Variants in FAM227A observed in about 807,000 individuals in gnomAD.
FAM227A encodes the protein protein FAM227A.
In FAM227A, 80 loss-of-function variants were observed where a neutral mutation model predicts 74.7. The observed-to-expected ratio is 1.07, with a 90% CI of 0.89 to 1.29. The LOEUF (loss-of-function observed/expected upper bound fraction) is 1.29. Ranked by LOEUF, FAM227A falls within the 50% of genes most tolerant of loss-of-function variation. The pLI is 0.00. For missense variants in FAM227A, 654 were observed against 683.4 expected (o/e 0.96, Z 0.48); for synonymous variants, 237 against 241.8 (o/e 0.98, Z 0.19).
chr22:38,584,337 C>G lies in FAM227A; in HGVS notation c.*1788G>C, dbSNP rs1281589034. The G allele has an allele frequency of 6.6e-6, 1 of 152,144 alleles. No homozygotes were observed. Among genetic ancestry groups the G allele is most frequent in the East Asian group, 1.9e-4 (1 of 5,202 alleles). The allele number at this position is 152,144 out of a possible 1,614,324, so 9.4% of individuals were successfully genotyped here. ...TCTTCCTAGGAGAAAATGGAGGTAA[C>G]AATATCCATCTTGGGGGACACCAGG... On this transcript the variant is annotated 3_prime_UTR_variant, in exon 17 of 17. Coordinates refer to ENST00000535113, the MANE Select transcript of FAM227A (RefSeq NM_001013647.2).
At chr22:38,599,572 T>G (rs1382031005) in intron 14 of FAM227A, among the ~76,000 whole-genome samples, 192 bp downstream of exon 14, 1 of 152,188 alleles carries the variant, frequency 6.6e-6, no homozygotes, top group Non-Finnish European at 1.5e-5. Flanking sequence ...TTCACGAGGC[T>G]GGCTCTAGAT....
rs1382582530 is a variant in FAM227A, at chr22:38,582,292, C to A, written c.*3833G>T. 1.3e-6 allele frequency: 2 copies of A among 1,499,200 alleles called. No homozygotes were observed. Among genetic ancestry groups the A allele is most frequent in the African/African-American group, 2.8e-5 (2 of 72,052 alleles). 92.9% of individuals were successfully genotyped at this position (1,499,200 alleles called of 1,614,324 possible). ...TGTTCTAAAACATACATTTCATCATCAATTCATAAGCAATTCAAAATCAGG... is the reference window on the plus strand; with the variant it reads ...TGTTCTAAAACATACATTTCATCATAAATTCATAAGCAATTCAAAATCAGG... On this transcript the variant is annotated 3_prime_UTR_variant, in exon 17 of 17. Transcript: ENST00000535113.
chr22:38,653,076 A>C (rs1015839930), intron 1 of FAM227A, among the ~76,000 whole-genome samples: 1 of 152,068 alleles, frequency 6.6e-6, no homozygotes, highest in African/African-American at 2.4e-5. Flanking sequence ...GCCACTCCCC[A>C]TTCCTCACAT....
chr22:38,632,073 A>G (rs968107687), intron 6 of FAM227A, among the ~76,000 whole-genome samples: 7 of 152,060 alleles, frequency 4.6e-5, no homozygotes, highest in Admixed American at 1.3e-4. Context: ...TGTGTTTTCA[A>G]CAAGACGGCG....
intron 1 of FAM227A, among the ~76,000 whole-genome samples, chr22:38,651,367 TTTTGTTTG>T (rs751479472): frequency 6.6e-6 from 1 of 152,128 alleles, no homozygotes; most frequent in Non-Finnish European, 1.5e-5. Context: ...TACCATGGTT[TTTTGTTTG>T]TTTGTTTGTT....
intron 8 of FAM227A, among the ~76,000 whole-genome samples, chr22:38,627,010 T>C (rs2145592090): frequency 2.0e-5 from 3 of 147,256 alleles, no homozygotes; most frequent in Middle Eastern, 7.3e-3. Flanking sequence ...GGTAGGGGGA[T>C]AGTTCAAGCC....
rs116071187 is a variant in FAM227A at position 38,625,012 on chromosome 22, G to A, written c.850+1168C>T. Reference sequence around the variant, plus strand: ...TACTTAGCACAGCACCAGGTACACAGGAACCTTCCTATAAATGGTAGCTTT... The same window carrying A: ...TACTTAGCACAGCACCAGGTACACAAGAACCTTCCTATAAATGGTAGCTTT... On this transcript the variant is annotated intron_variant, in intron 9 of 16. Coordinates refer to ENST00000535113, the MANE Select transcript of FAM227A (RefSeq NM_001013647.2). 8.3e-3 allele frequency among the ~76,000 whole-genome samples: 1,267 copies of A among 152,228 alleles called. 21 individuals are homozygous for A. Among genetic ancestry groups the A allele is most frequent in the African/African-American group, 0.029 (1,206 of 41,520 alleles).
Position 38,597,359 on chromosome 22 carries a change from G to A in FAM227A, c.1380-3C>T, listed in dbSNP as rs1273486716. 1.3e-6 allele frequency: 2 copies of A among 1,551,588 alleles called. No individual in the cohort carries two copies. Among genetic ancestry groups the A allele is most frequent in the African/African-American group, 2.7e-5 (2 of 73,028 alleles). On this transcript the variant is annotated splice_region_variant and splice_polypyrimidine_tract_variant and intron_variant, in intron 14 of 16. Coordinates refer to ENST00000535113, the MANE Select transcript of FAM227A (RefSeq NM_001013647.2). ...CAGTATACGTTGGGGTGCAGTCAGT[G>A]GCTTCCGCTGTCAAGGAAATCCCCG...
intron 1 of FAM227A, among the ~76,000 whole-genome samples, chr22:38,652,457 G>A (rs1171308883): frequency 2.0e-5 from 3 of 150,558 alleles, no homozygotes; most frequent in African/African-American, 4.9e-5. Flanking sequence ...GCATGGTGGC[G>A]GGCACCTACA....
chr22:38,626,438 G>T, intron 8 of FAM227A, 135 bp from the exon 9 acceptor site: 1 of 1,107,538 alleles, frequency 9.0e-7, no homozygotes, highest in Non-Finnish European at 1.2e-6. Flanking sequence ...GGTTCTCACT[G>T]TGTTACCCAG....
chr22:38,626,403 T>G, intron 8 of FAM227A, 100 bp from the exon 9 acceptor site: 1 of 1,309,136 alleles, frequency 7.6e-7, no homozygotes. Flanking sequence ...ATATAGTTTT[T>G]GTTGTTGTTG....
intron 8 of FAM227A, among the ~76,000 whole-genome samples, 161 bp downstream of exon 8, chr22:38,628,075 GCT>G (rs1178557015): frequency 2.0e-5 from 3 of 151,892 alleles, no homozygotes; most frequent in African/African-American, 7.3e-5. Context: ...AGTATAAATA[GCT>G]CTACTGTATT....
intron 15 of FAM227A, among the ~76,000 whole-genome samples, chr22:38,595,973 G>A (rs114963087): frequency 1.8e-4 from 27 of 148,650 alleles, no homozygotes; most frequent in African/African-American, 6.4e-4. Context: ...ACTAATAAGG[G>A]GGGGGGGGCA....
chr22:38,598,343 A>G (rs2091095217), intron 14 of FAM227A, among the ~76,000 whole-genome samples: 1 of 152,206 alleles, frequency 6.6e-6, no homozygotes, highest in Non-Finnish European at 1.5e-5. Context: ...AGATAAAGAT[A>G]TTGAGCTTGG....
intron 11 of FAM227A, chr22:38,618,491 A>G (rs2091622583): frequency 6.6e-6 from 1 of 152,144 alleles, no homozygotes; most frequent in African/African-American, 2.4e-5. Flanking sequence ...GTGGTATGTG[A>G]ACTATCAGAC....
intron 13 of FAM227A, among the ~76,000 whole-genome samples, chr22:38,603,295 C>T (rs2091215547): frequency 6.6e-6 from 1 of 152,064 alleles, no homozygotes; most frequent in South Asian, 2.1e-4. Flanking sequence ...TGAGACCCGC[C>T]TGACCAACAC....
At chr22:38,602,868 T>TTTGTTG (rs928482481) in intron 13 of FAM227A, among the ~76,000 whole-genome samples, 2 of 151,984 alleles carry the variant, frequency 1.3e-5, no homozygotes, top group Admixed American at 6.6e-5. Context: ...AGTTTTGCTT[T>TTTGTTG]TTGTTGTTGT....
In FAM227A at chr22:38,597,405, G is replaced by A. The variant is rs142613956; in HGVS notation, c.1380-49C>T. ...CCCCGTACTGTGGAACTGTGTTGACGCTGCATTATTAGTGGCATGAGCGCA... is the reference window on the plus strand; with the variant it reads ...CCCCGTACTGTGGAACTGTGTTGACACTGCATTATTAGTGGCATGAGCGCA... On this transcript the variant is annotated intron_variant, in intron 14 of 16. Transcript: ENST00000535113. 361 of 1,534,694 alleles carry A rather than the reference G, an allele frequency of 2.4e-4. 1 individual carries two copies. The African/African-American group carries it at 4.3e-3, about 18-fold the overall frequency.
At chr22:38,642,079 AC>A (rs2092129606) in intron 3 of FAM227A, among the ~76,000 whole-genome samples, 1 of 152,202 alleles carries the variant, frequency 6.6e-6, no homozygotes, top group Admixed American at 6.5e-5. Flanking sequence ...TTTCAGGTCC[AC>A]ATGTAAGGAT....
Sources: allele counts gnomAD v4.1 joint callset (sites outside exome capture counted in the v4.1 genomes callset), GRCh38; gene constraint gnomAD v4.1.1; transcripts MANE v1.5; gene names NCBI Gene and HGNC (gene_info 2026-07-23, HGNC 2026-07-21).